The following RAPGEF6 variants were observed in gnomAD, a reference collection of about 807,000 sequenced individuals.
The protein encoded by RAPGEF6 is PDZ domain containing guanine nucleotide exchange factor (GEF) 2.
A neutral mutation model predicts 171.4 loss-of-function variants in RAPGEF6; 56 were observed. The ratio of observed to expected loss-of-function variants is 0.33; its 90% CI spans 0.26 to 0.41. The LOEUF (loss-of-function observed/expected upper bound fraction) is 0.41, where lower values mean the gene tolerates loss of function less well. RAPGEF6 is among the 10% of genes least tolerant of loss of function. RAPGEF6 has a pLI of 1.00. For synonymous variants in RAPGEF6, 692 were observed against 650.1 expected (o/e 1.06, Z -0.98); for missense variants, 1,674 against 1,921.4 (o/e 0.87, Z 2.41).
chr5:131,450,126 G>T (rs532308624), intron 21 of RAPGEF6: 94 of 1,371,172 alleles, frequency 6.9e-5, no homozygotes, highest in Non-Finnish European at 9.3e-5. Context: ...GAGAGTCAGA[G>T]AAACTATGCA....
At chr5:131,599,192 T>G (rs192014441) in intron 3 of RAPGEF6, among the ~76,000 whole-genome samples, 75 of 152,244 alleles carry the variant, frequency 4.9e-4, no homozygotes, top group African/African-American at 1.8e-3. Flanking sequence ...CCGGGCATGG[T>G]GGTCCACGCC....
At chr5:131,556,863 A>T (rs1467619346) in intron 5 of RAPGEF6, among the ~76,000 whole-genome samples, 4 of 152,200 alleles carry the variant, frequency 2.6e-5, no homozygotes, top group African/African-American at 7.2e-5. Context: ...ATACCTAAGA[A>T]CATGGTATCT....
intron 3 of RAPGEF6, among the ~76,000 whole-genome samples, chr5:131,595,886 C>CT (rs1432332997): frequency 6.6e-6 from 1 of 152,150 alleles, no homozygotes; most frequent in African/African-American, 2.4e-5. Context: ...GGTGCAGTGG[C>CT]TTATGCCTGT....
At chr5:131,489,695 A>G in intron 14 of RAPGEF6, 41 bp from the exon 15 acceptor site, 1 of 1,113,222 alleles carries the variant, frequency 9.0e-7, no homozygotes, top group Non-Finnish European at 1.3e-6. Flanking sequence ...ACAGAACAGT[A>G]TTAGTTACTC....
chr5:131,436,832 G>A (rs184137925), intron 24 of RAPGEF6, among the ~76,000 whole-genome samples: 173 of 152,228 alleles, frequency 1.1e-3, no homozygotes, highest in African/African-American at 4.0e-3. Context: ...TATTTATAAC[G>A]TTCATTTTCT....
At position 131,425,684 on chromosome 5, in the gene RAPGEF6, A is replaced by T. The variant is rs892482647; in HGVS notation, c.*1582T>A. ...GAAAGATGAACTACTACCATTTACC[A>T]CTTACAACTGATTCATGATTTTAAA... On this transcript the variant is annotated 3_prime_UTR_variant, in exon 28 of 28. Transcript: ENST00000509018. 6.6e-6 allele frequency: 1 copy of T among 152,262 alleles called. No individual in the cohort carries two copies. Among genetic ancestry groups the T allele is most frequent in the Non-Finnish European group, 1.5e-5 (1 of 68,026 alleles). The allele number at this position is 152,262 out of a possible 1,614,324, so 9.4% of individuals were successfully genotyped here. A position where few individuals can be genotyped will look rare whatever the true frequency, so the allele number is the denominator to read the frequency against.
At chr5:131,633,546 A>G (rs1311651062) in intron 1 of RAPGEF6, among the ~76,000 whole-genome samples, 1 of 152,002 alleles carries the variant, frequency 6.6e-6, no homozygotes, top group Non-Finnish European at 1.5e-5. Context: ...CCTGGGCAAT[A>G]TGGTGCAACC....
chr5:131,528,083 T>TATATGTA (rs759304269), intron 6 of RAPGEF6, among the ~76,000 whole-genome samples: 80,175 of 122,778 alleles, frequency 0.65, 27,545 homozygotes, highest in Non-Finnish European at 0.77. Context: ...TAATTTATAT[T>TATATGTA]ATATGTAATA....
chr5:131,482,831 C>T lies in RAPGEF6; in HGVS notation c.1841-3078G>A, dbSNP rs79504169. 3.3e-5 allele frequency among the ~76,000 whole-genome samples: 5 copies of T among 152,242 alleles called. No homozygotes were observed. In the East Asian group the frequency reaches 9.6e-4, roughly 29 times the overall value. On this transcript the variant is annotated intron_variant, in intron 15 of 27. Transcript: ENST00000509018. ...AATCAGAAAGATGAGAAGATTTTAA[C>T]TAGGCAAAGGATGAGTAATCTTAGG...
intron 6 of RAPGEF6, among the ~76,000 whole-genome samples, chr5:131,529,251 G>C (rs1376329503): frequency 1.3e-5 from 2 of 151,856 alleles, no homozygotes; most frequent in Admixed American, 1.3e-4. Context: ...TGAGGTGGGT[G>C]GATCATTTGA....
chr5:131,450,257 A>G (rs1414524624), intron 21 of RAPGEF6, among the ~76,000 whole-genome samples: 1 of 152,210 alleles, frequency 6.6e-6, no homozygotes, highest in East Asian at 1.9e-4. Flanking sequence ...GCTCCAAAAT[A>G]CTTTATAAAA....
Position 131,455,847 on chromosome 5 carries a change from A to G in RAPGEF6, c.3030T>C (p.Ile1010=). 6.2e-7 allele frequency: 1 copy of G among 1,613,846 alleles called. No individual in the cohort carries two copies. The highest frequency in any genetic ancestry group is 8.5e-7 in the Non-Finnish European group (1 of 1,179,772). ...CTTTCTTGACAACAGGGAAGAGTGG[A>G]ATAATTGGAGGCTGCATACTTTGAC... ...LSSQSMQPPI[I]PLFPVVKKDM... The change falls in exon 20 of 28, where the codon ATT becomes ATC. Residue 1010 remains isoleucine (I), a synonymous_variant. Transcript: ENST00000509018.
chr5:131,428,277 C>CT (rs1254510925), intron 27 of RAPGEF6, among the ~76,000 whole-genome samples: 1 of 150,610 alleles, frequency 6.6e-6, no homozygotes, highest in African/African-American at 2.4e-5. Context: ...GCCAGGCATG[C>CT]TGGTGTGCAC....
chr5:131,482,124 G>A (rs1006536136), intron 15 of RAPGEF6, among the ~76,000 whole-genome samples: 13 of 152,122 alleles, frequency 8.5e-5, no homozygotes, highest in South Asian at 4.1e-4. Context: ...AAAGCACAGC[G>A]CAAGTTTATG....
chr5:131,441,133 T>C (rs937928033), intron 23 of RAPGEF6, among the ~76,000 whole-genome samples: 2 of 152,246 alleles, frequency 1.3e-5, no homozygotes, highest in South Asian at 4.1e-4. Flanking sequence ...ATACCTGTCT[T>C]CATTCTCTGC....
At chr5:131,456,663 G>C (rs1053564838) in intron 19 of RAPGEF6, among the ~76,000 whole-genome samples, 2 of 152,172 alleles carry the variant, frequency 1.3e-5, no homozygotes, top group African/African-American at 2.4e-5. Context: ...CACATAGGTA[G>C]GTTGCCAAAT....
At chr5:131,455,759 A>G (rs1580850280) in intron 20 of RAPGEF6, 42 bp downstream of exon 20, 1 of 1,537,462 alleles carries the variant, frequency 6.5e-7, no homozygotes, top group Non-Finnish European at 9.0e-7. Flanking sequence ...TAGACTTTAG[A>G]TAAACCATGT....
rs1751363849 is a variant in RAPGEF6 at position 131,425,765 on chromosome 5, C to G, written c.*1501G>C. On this transcript the variant is annotated 3_prime_UTR_variant, in exon 28 of 28. Transcript: ENST00000509018. ...CAGAGACAGCTAGGGAAAGACAACA[C>G]ATTTCTATAAAGGAGGCCACAAACC... 1 of 151,854 alleles carries G rather than the reference C, an allele frequency of 6.6e-6. No homozygotes were observed. The highest frequency in any genetic ancestry group is 1.5e-5 in the Non-Finnish European group (1 of 67,992). 9.4% of individuals were successfully genotyped at this position (151,854 alleles called of 1,614,324 possible).
chr5:131,626,275 C>T (rs1269418108), intron 1 of RAPGEF6, among the ~76,000 whole-genome samples: 1 of 152,070 alleles, frequency 6.6e-6, no homozygotes, highest in Admixed American at 6.6e-5. Context: ...TAATTAAATA[C>T]TAAAGAATAA....
Sources: allele counts gnomAD v4.1 joint callset (sites outside exome capture counted in the v4.1 genomes callset), GRCh38; gene constraint gnomAD v4.1.1; transcripts MANE v1.5; gene names NCBI Gene and HGNC (gene_info 2026-07-23, HGNC 2026-07-21).